MBD5: variants seen among roughly 807,000 people sequenced by gnomAD.
MBD5 encodes methyl-CpG-binding domain protein 5.
Under a neutral mutation model 117.3 loss-of-function variants are expected in MBD5, and 13 were observed. That is an observed-to-expected ratio of 0.11 (90% CI 0.07 to 0.18). The LOEUF (loss-of-function observed/expected upper bound fraction) is 0.18. MBD5 is among the 10% of genes least tolerant of loss of function. MBD5 has a pLI of 1.00. For synonymous variants in MBD5, 727 were observed against 766.4 expected (o/e 0.95, Z 0.85); for missense variants, 1,879 against 2,093.8 (o/e 0.90, Z 2.00).
chr2:148,330,033 A>ACCCCCCCCCCCCCCCCCCCCCCC (rs56712549), intron 3 of MBD5, among the ~76,000 whole-genome samples: 5 of 17,688 alleles, frequency 2.8e-4, no homozygotes, highest in Non-Finnish European at 4.2e-4. Flanking sequence ...GTAGGTAAGA[A>ACCCCCCCCCCCCCCCCCCCCCCC]CCCCCCCCCG....
chr2:148,288,399 C>CAAAAAAAAAAAA (rs569673565), intron 3 of MBD5, among the ~76,000 whole-genome samples: 6 of 37,788 alleles, frequency 1.6e-4, no homozygotes, highest in East Asian at 2.5e-3. Context: ...GACTCCGTCT[C>CAAAAAAAAAAAA]AAAAAAAAAA....
Position 148,227,764 on chromosome 2 carries a change from T to A in MBD5, c.-830-5481T>A, listed in dbSNP as rs539216814. On this transcript the variant is annotated intron_variant, in intron 2 of 13. Coordinates refer to ENST00000642680, the MANE Select transcript of MBD5 (RefSeq NM_001378120.1). Reference sequence around the variant, plus strand: ...CCCATGAGCATGGAATGTTCTTCCATTTGTTTGTGTCCTCTTTTATTTCCT... The same window carrying A: ...CCCATGAGCATGGAATGTTCTTCCAATTGTTTGTGTCCTCTTTTATTTCCT... Among the ~76,000 whole-genome samples, 38 of 152,338 alleles carry A rather than the reference T, an allele frequency of 2.5e-4. 1 individual carries two copies. The highest frequency in any genetic ancestry group is 2.1e-3 in the South Asian group (10 of 4,830).
At chr2:148,125,709 T>C (rs1430198496) in intron 1 of MBD5, among the ~76,000 whole-genome samples, 1 of 152,230 alleles carries the variant, frequency 6.6e-6, no homozygotes, top group African/African-American at 2.4e-5. Context: ...TACTTATCAC[T>C]GTGTAGTGCA....
chr2:148,098,161 A>C (rs1461540066), intron 1 of MBD5, among the ~76,000 whole-genome samples: 1 of 152,230 alleles, frequency 6.6e-6, no homozygotes, highest in Non-Finnish European at 1.5e-5. Context: ...AGAGCAAGAC[A>C]GCAGGTGGGA....
chr2:148,291,220 G>A (rs778019355), intron 3 of MBD5, among the ~76,000 whole-genome samples: 8 of 152,074 alleles, frequency 5.3e-5, no homozygotes, highest in South Asian at 2.1e-4. Flanking sequence ...TAAGATCAAC[G>A]TACCAATTTT....
chr2:148,429,414 C>T (rs1705913405), intron 4 of MBD5, among the ~76,000 whole-genome samples: 1 of 152,054 alleles, frequency 6.6e-6, no homozygotes, highest in African/African-American at 2.4e-5. Flanking sequence ...TAAATTAGTT[C>T]AATCATTGTG....
intron 1 of MBD5, among the ~76,000 whole-genome samples, chr2:148,130,440 G>T (rs913412824): frequency 3.3e-5 from 5 of 151,908 alleles, no homozygotes; most frequent in Admixed American, 1.3e-4. Flanking sequence ...TGTCCTTTAT[G>T]ATGGATATTT....
At chr2:148,332,819 A>G (rs1377383900) in intron 3 of MBD5, among the ~76,000 whole-genome samples, 1 of 152,132 alleles carries the variant, frequency 6.6e-6, no homozygotes, top group South Asian at 2.1e-4. Flanking sequence ...CTGAAAATTC[A>G]TCTTCTTTAG....
intron 4 of MBD5, among the ~76,000 whole-genome samples, chr2:148,376,873 T>C (rs1704007506): frequency 7.1e-6 from 1 of 141,188 alleles, no homozygotes; most frequent in Non-Finnish European, 1.5e-5. Flanking sequence ...TATATAATTA[T>C]ATATTATATA....
chr2:148,201,158 C>G (rs189759314), intron 2 of MBD5, among the ~76,000 whole-genome samples: 8 of 152,314 alleles, frequency 5.3e-5, no homozygotes, highest in Admixed American at 5.2e-4. Flanking sequence ...GGCTTGCCCC[C>G]CAGCATGGAT....
chr2:148,208,204 C>T (rs1699333197), intron 2 of MBD5, among the ~76,000 whole-genome samples: 1 of 151,968 alleles, frequency 6.6e-6, no homozygotes, highest in Non-Finnish European at 1.5e-5. Flanking sequence ...GGACACTCTA[C>T]CTTGTGTTTG....
intron 4 of MBD5, among the ~76,000 whole-genome samples, chr2:148,424,397 A>AC (rs1220323761): frequency 1.3e-5 from 2 of 151,798 alleles, no homozygotes; most frequent in Non-Finnish European, 2.9e-5. Flanking sequence ...GTTCTTAAGG[A>AC]CCTACAAAGA....
Position 148,389,999 on chromosome 2 carries a change from G to A in MBD5, c.-557+47663G>A, listed in dbSNP as rs377631916. 1.6e-4 allele frequency among the ~76,000 whole-genome samples: 25 copies of A among 152,152 alleles called. No individual in the cohort carries two copies. In the East Asian group the frequency reaches 4.4e-3, roughly 27 times the overall value. On this transcript the variant is annotated intron_variant, in intron 4 of 13. Transcript: ENST00000642680. ...TCTTAGTTAAAAATTATTTGTCTAA[G>A]CCGATGTCCAGAAAAGTTTTTCCTA...
At chr2:148,500,272 A>T (rs1681831086) in intron 11 of MBD5, among the ~76,000 whole-genome samples, 1 of 151,850 alleles carries the variant, frequency 6.6e-6, no homozygotes, top group South Asian at 2.1e-4. Flanking sequence ...TGTGTATTTT[A>T]TATATGTGTG....
chr2:148,418,048 C>A (rs966464756), intron 4 of MBD5, among the ~76,000 whole-genome samples: 1 of 152,052 alleles, frequency 6.6e-6, no homozygotes, highest in African/African-American at 2.4e-5. Context: ...CCATGTTGCC[C>A]AAGCTGGTCT....
intron 3 of MBD5, among the ~76,000 whole-genome samples, chr2:148,320,868 T>G (rs1702264923): frequency 6.6e-6 from 1 of 152,180 alleles, no homozygotes; most frequent in East Asian, 1.9e-4. Flanking sequence ...TCATTTCTGA[T>G]TGTGTTTATT....
At chr2:148,220,712 A>T (rs1302978862) in intron 2 of MBD5, among the ~76,000 whole-genome samples, 1 of 152,140 alleles carries the variant, frequency 6.6e-6, no homozygotes, top group East Asian at 1.9e-4. Flanking sequence ...GTAAAATGGG[A>T]TATTCATCAC....
chr2:148,301,977 C>T (rs546295691), intron 3 of MBD5, among the ~76,000 whole-genome samples: 4 of 152,134 alleles, frequency 2.6e-5, no homozygotes, highest in Admixed American at 6.5e-5. Flanking sequence ...GAGAGACAGA[C>T]CATCCACCTG....
In MBD5 at chr2:148,470,209, G is replaced by A. The variant is rs1249016590; in HGVS notation, c.2266G>A (p.Gly756Arg). The A allele has an allele frequency of 6.2e-7, 1 of 1,613,822 alleles. No homozygotes were observed. Residue 756 changes from glycine to arginine, a missense_variant, in exon 8 of 14, where the codon GGG (glycine) becomes AGG (arginine). Physicochemically the swap from Gly to Arg is moderately radical, Grantham distance 125. Around this residue, in one of 4 missense-constraint regions of MBD5, gnomAD observed 1,666 missense variants for 1,792.2 expected, o/e 0.93. Transcript: ENST00000642680. ...TGTTCTTCAGAACATACCTTTAAGA[G>A]GGGAAGCCGTGCACTGCCACAATGC... ...SSVLQNIPLR[G>R]EAVHCHNANT...
Sources: allele counts gnomAD v4.1 joint callset (sites outside exome capture counted in the v4.1 genomes callset), GRCh38; gene constraint gnomAD v4.1.1; regional missense constraint gnomAD v4.1.1; transcripts MANE v1.5; gene names NCBI Gene and HGNC (gene_info 2026-07-23, HGNC 2026-07-21).